MUC15: variants seen among roughly 807,000 people sequenced by gnomAD.
MUC15 encodes mucin-15.
Under a neutral mutation model 24.0 loss-of-function variants are expected in MUC15, and 23 were observed. The ratio of observed to expected loss-of-function variants is 0.96; its 90% CI spans 0.69 to 1.36. The LOEUF (loss-of-function observed/expected upper bound fraction) is 1.36. Among genes scored for constraint, MUC15 ranks in the 40% most tolerant of loss-of-function variants. The pLI, the probability that MUC15 is intolerant of heterozygous loss-of-function variation, is 0.00. For missense variants in MUC15, 442 were observed against 428.2 expected (o/e 1.03, Z -0.29); for synonymous variants, 151 against 156.3 (o/e 0.97, Z 0.25).
At chr11:26,566,920 A>G (rs1225041880) in intron 2 of MUC15, 132 bp downstream of exon 2, 1 of 722,526 alleles carries the variant, frequency 1.4e-6, no homozygotes, top group Non-Finnish European at 2.0e-6. Context: ...AGGTAGCAGC[A>G]CTCTAAACAA....
At chr11:26,566,323 CG>C (rs1554971231) in intron 2 of MUC15, among the ~76,000 whole-genome samples, 2 of 151,778 alleles carry the variant, frequency 1.3e-5, no homozygotes, top group Non-Finnish European at 1.5e-5. Flanking sequence ...TTTAAGAAAA[CG>C]CATTCTTTAT....
At position 26,563,202 on chromosome 11, in the gene MUC15, A is replaced by G; in HGVS notation, c.839T>C (p.Leu280Pro). The change falls in exon 4 of 5, where the codon CTT becomes CCT. Residue 280 changes from leucine to proline, a missense_variant. Transcript: ENST00000529533. ...ACACAACAAGTAGCCCACAAGAGTA[A>G]GCAATGAGACACCCAGAATAGCACC... ...ILGAILGVSL[L>P]TLVGYLLCGK... The G allele has an allele frequency of 6.2e-7, 1 of 1,612,558 alleles. No homozygotes were observed. The highest frequency in any genetic ancestry group is 8.5e-7 in the Non-Finnish European group (1 of 1,178,956).
At chr11:26,567,248 C>CG in intron 1 of MUC15, 109 bp from the exon 2 acceptor site, 3 of 630,658 alleles carry the variant, frequency 4.8e-6, no homozygotes, top group Non-Finnish European at 7.1e-6. Flanking sequence ...AAAAAATAGA[C>CG]TTTTTTTTCC....
In MUC15 at chr11:26,563,290, A is replaced by C. The variant is rs370036148; in HGVS notation, c.776-25T>G. On this transcript the variant is annotated intron_variant, in intron 3 of 4. Coordinates refer to ENST00000529533, the MANE Select transcript of MUC15 (RefSeq NM_001135091.2). ...TCTACAGGACAAAAAAAATTTAAAG[A>C]AATATAAAATAATTATTCAAAGAAC... is the stretch of plus-strand genomic sequence containing the variant. The C allele has an allele frequency of 1.7e-5, 27 of 1,563,912 alleles. No homozygotes were observed. The highest frequency in any genetic ancestry group is 2.2e-5 in the Non-Finnish European group (26 of 1,159,820).
intron 3 of MUC15, among the ~76,000 whole-genome samples, chr11:26,564,452 A>G (rs2134260932): frequency 6.6e-6 from 1 of 151,058 alleles, no homozygotes; most frequent in Admixed American, 6.6e-5. Flanking sequence ...TCAAGGGGGG[A>G]AAATACATTA....
At chr11:26,571,019 A>C (rs1850803150) in intron 1 of MUC15, among the ~76,000 whole-genome samples, 1 of 152,138 alleles carries the variant, frequency 6.6e-6, no homozygotes, top group Non-Finnish European at 1.5e-5. Flanking sequence ...TTTCAAGAAA[A>C]AAACAAATTT....
chr11:26,560,041 G>A lies in MUC15; in HGVS notation c.*1024C>T, dbSNP rs1850225588. Reference sequence around the variant, plus strand: ...CATATTTTTTCTACCAAAGGAAGGTGGTAATTAAAAACAAACTGAAACATA... The same window carrying A: ...CATATTTTTTCTACCAAAGGAAGGTAGTAATTAAAAACAAACTGAAACATA... On this transcript the variant is annotated 3_prime_UTR_variant, in exon 5 of 5. Transcript: ENST00000529533. 3.0e-6 allele frequency: 1 copy of A among 338,146 alleles called. No homozygotes were observed. The allele number at this position is 338,146 out of a possible 1,614,324, so 20.9% of individuals were successfully genotyped here. A position where few individuals can be genotyped will look rare whatever the true frequency, so the allele number is the denominator to read the frequency against.
At chr11:26,570,131 CA>C (rs1377611088) in intron 1 of MUC15, among the ~76,000 whole-genome samples, 1 of 152,036 alleles carries the variant, frequency 6.6e-6, no homozygotes, top group African/African-American at 2.4e-5. Context: ...TATATATTAA[CA>C]TTTTTTTTGT....
chr11:26,561,118 C>T lies in MUC15; in HGVS notation c.1033G>A (p.Ala345Thr). 3 of 1,612,794 alleles carry T rather than the reference C, an allele frequency of 1.9e-6. No homozygotes were observed. The highest frequency in any genetic ancestry group is 2.5e-6 in the Non-Finnish European group (3 of 1,179,246). Reference sequence around the variant, plus strand: ...TCATCCATAGGAATGCCATCACGTGCATTTTCTTCACTTTCTGGCATGGCT... The same window carrying T: ...TCATCCATAGGAATGCCATCACGTGTATTTTCTTCACTTTCTGGCATGGCT... ...DSAMPESEEN[A>T]RDGIPMDDIP... Residue 345 changes from alanine (A) to threonine (T), a missense_variant, in exon 5 of 5, where the codon GCA becomes ACA. By Grantham distance (58) the Ala-to-Thr change is moderately conservative. Coordinates refer to ENST00000529533, the MANE Select transcript of MUC15 (RefSeq NM_001135091.2).
intron 1 of MUC15, among the ~76,000 whole-genome samples, chr11:26,570,568 T>A (rs2134286552): frequency 6.6e-6 from 1 of 152,246 alleles, no homozygotes; most frequent in Non-Finnish European, 1.5e-5. Flanking sequence ...AATAGAATCA[T>A]CAGTTCAGGT....
At chr11:26,564,783 A>T (rs758702521) in intron 3 of MUC15, among the ~76,000 whole-genome samples, 2 of 100,714 alleles carry the variant, frequency 2.0e-5, no homozygotes, top group Non-Finnish European at 2.0e-5. Context: ...ATATATATAT[A>T]TAAGTTCAGT....
intron 3 of MUC15, 146 bp from the exon 4 acceptor site, chr11:26,563,411 G>C (rs1312253112): frequency 1.0e-5 from 7 of 701,010 alleles, no homozygotes; most frequent in Non-Finnish European, 1.5e-5. Flanking sequence ...GTGTGTGTGT[G>C]TGTGTGTGTG....
At chr11:26,568,499 A>T (rs1268426893) in intron 1 of MUC15, among the ~76,000 whole-genome samples, 2 of 151,950 alleles carry the variant, frequency 1.3e-5, no homozygotes, top group African/African-American at 4.8e-5. Flanking sequence ...AGCCTCTCCA[A>T]ATTTAATTAT....
Position 26,559,787 on chromosome 11 carries a change from C to G in MUC15, c.*1278G>C. On this transcript the variant is annotated 3_prime_UTR_variant, in exon 5 of 5. Coordinates refer to ENST00000529533, the MANE Select transcript of MUC15 (RefSeq NM_001135091.2). ...TTTTTATGGCAATATGGGGTAAGTA[C>G]TTTCTTCATTACTTTCTATCCCTTA... 1 of 1,592,004 alleles carries G rather than the reference C, an allele frequency of 6.3e-7. No homozygotes were observed. The highest frequency in any genetic ancestry group is 1.9e-4 in the Middle Eastern group (1 of 5,290).
In MUC15 at chr11:26,565,912, C is replaced by A. The variant is rs775063188; in HGVS notation, c.44-16G>T. 1 of 1,554,370 alleles carries A rather than the reference C, an allele frequency of 6.4e-7. No homozygotes were observed. The highest frequency in any genetic ancestry group is 1.2e-5 in the South Asian group (1 of 81,362). On this transcript the variant is annotated splice_polypyrimidine_tract_variant and intron_variant, in intron 2 of 4. Transcript: ENST00000529533. Reference sequence around the variant, plus strand: ...TTAAAGGAATCTGAAAGAAAATAACCATAATTTGAATTCCTTAAATAAAAT... The same window carrying A: ...TTAAAGGAATCTGAAAGAAAATAACAATAATTTGAATTCCTTAAATAAAAT...
intron 1 of MUC15, among the ~76,000 whole-genome samples, chr11:26,567,703 A>G (rs1483121833): frequency 6.6e-6 from 1 of 151,992 alleles, no homozygotes; most frequent in Non-Finnish European, 1.5e-5. Context: ...AAATCTACTT[A>G]AAAATAAAAG....
chr11:26,563,351 GA>G (rs1850373434), intron 3 of MUC15, 86 bp from the exon 4 acceptor site: 2 of 1,317,586 alleles, frequency 1.5e-6, no homozygotes, highest in South Asian at 1.5e-5. Flanking sequence ...ATATAACAAA[GA>G]ATGTTTAACA....
At chr11:26,569,008 G>T (rs532442460) in intron 1 of MUC15, among the ~76,000 whole-genome samples, 1 of 151,722 alleles carries the variant, frequency 6.6e-6, no homozygotes, top group Non-Finnish European at 1.5e-5. Context: ...GGTCACCAGT[G>T]GGGGGAAAAA....
rs1486640608 is a variant in MUC15 at position 26,565,462 on chromosome 11, G to A, written c.478C>T (p.Pro160Ser). 2 of 1,613,344 alleles carry A rather than the reference G, an allele frequency of 1.2e-6. No individual in the cohort carries two copies. Among genetic ancestry groups the A allele is most frequent in the Admixed American group, 3.3e-5 (2 of 59,912 alleles). ...GTAGCATTGGGATGTGCTGAGATGG[G>A]CAAAAGATCTTCATCTGCTATAGGT... ...NAPIADEDLL[P>S]ISAHPNATPA... The change falls in exon 3 of 5, where the codon CCC becomes TCC. Residue 160 changes from proline (P) to serine (S), a missense_variant. By Grantham distance (74) the Pro-to-Ser change is moderately conservative (BLOSUM62 -1). Coordinates refer to ENST00000529533, the MANE Select transcript of MUC15 (RefSeq NM_001135091.2).
Sources: gnomAD v4.1 joint callset for allele counts (sites outside exome capture counted in the v4.1 genomes callset) on GRCh38, gnomAD v4.1.1 for gene constraint, MANE v1.5 for transcripts, NCBI Gene and HGNC (gene_info 2026-07-23, HGNC 2026-07-21) for gene names.